TENM1: variants seen among roughly 807,000 people sequenced by gnomAD.
TENM1 encodes teneurin-1.
In TENM1, 35 loss-of-function variants were observed where a neutral mutation model predicts 174.8. That is an observed-to-expected ratio of 0.20 (90% CI 0.15 to 0.27). The LOEUF is 0.27. TENM1 is among the 10% of genes least tolerant of loss of function. The probability of loss-of-function intolerance (pLI) is 1.00; values close to 1 mark genes in which losing one functional copy is unlikely to be tolerated. For synonymous variants in TENM1, 781 were observed against 798.7 expected (o/e 0.98, Z 0.37); for missense variants, 1,633 against 2,130.1 (o/e 0.77, Z 4.59).
chrX:124,830,141 C>A (rs377588087), intron 3 of TENM1, among the ~76,000 whole-genome samples: 2 of 111,499 alleles, frequency 1.8e-5, no homozygotes, highest in African/African-American at 6.5e-5. Flanking sequence ...GTGTCATATG[C>A]AAATTTGTGG....
At chrX:125,039,885 A>G in the TENM1 span, among the ~76,000 whole-genome samples, 41 of 111,303 alleles carry the variant, frequency 3.7e-4, no homozygotes, top group Non-Finnish European at 7.0e-4. Flanking sequence ...CTGGTATAAA[A>G]TGTACTATCA....
At chrX:124,454,471 T>C (rs1288612107) in intron 22 of TENM1, among the ~76,000 whole-genome samples, 1 of 110,918 alleles carries the variant, frequency 9.0e-6, no homozygotes, top group African/African-American at 3.3e-5. Flanking sequence ...TGGTGCAATC[T>C]TGGCTCACTG....
At chrX:124,463,381 G>A (rs1175596514) in intron 22 of TENM1, among the ~76,000 whole-genome samples, 1 of 111,662 alleles carries the variant, frequency 9.0e-6, no homozygotes, top group African/African-American at 3.3e-5. Flanking sequence ...GGTGCTAAGT[G>A]GTATCTTAAT....
At chrX:124,490,856 T>A (rs2047051298) in intron 20 of TENM1, among the ~76,000 whole-genome samples, 1 of 112,148 alleles carries the variant, frequency 8.9e-6, no homozygotes. Context: ...TTTGAATTCT[T>A]GCAAAGCACT....
intron 4 of TENM1, among the ~76,000 whole-genome samples, chrX:124,716,211 T>C (rs1335523651): frequency 1.8e-5 from 2 of 112,132 alleles, no homozygotes; most frequent in Non-Finnish European, 3.8e-5. Flanking sequence ...AACACATGAA[T>C]GTCCTTTGAA....
chrX:124,731,420 A>G (rs1290805954), intron 4 of TENM1, among the ~76,000 whole-genome samples: 1 of 111,970 alleles, frequency 8.9e-6, no homozygotes, highest in Non-Finnish European at 1.9e-5. Context: ...TCTATAATAA[A>G]TGAATTAAAA....
chrX:125,034,949 G>C, the TENM1 span, among the ~76,000 whole-genome samples: 1 of 111,578 alleles, frequency 9.0e-6, no homozygotes, highest in Non-Finnish European at 1.9e-5. Flanking sequence ...CATGTAAAGT[G>C]ATTACTCAAT....
At chrX:124,840,126 ATATAC>A (rs2056468182) in intron 3 of TENM1, among the ~76,000 whole-genome samples, 1 of 111,932 alleles carries the variant, frequency 8.9e-6, no homozygotes, top group South Asian at 3.7e-4. Context: ...TACTTTTAAA[ATATAC>A]TTCTTTTCTT....
intron 23 of TENM1, among the ~76,000 whole-genome samples, chrX:124,442,143 G>A (rs2060910348): frequency 8.9e-6 from 1 of 112,282 alleles, no homozygotes; most frequent in African/African-American, 3.2e-5. Context: ...ACATGCCCTT[G>A]TGTCTGAATT....
chrX:124,871,364 G>A (rs995099569), intron 3 of TENM1, among the ~76,000 whole-genome samples: 1 of 111,846 alleles, frequency 8.9e-6, no homozygotes, highest in African/African-American at 3.3e-5. Flanking sequence ...GGAGCTGGAG[G>A]TACAGTGAAC....
the TENM1 span, among the ~76,000 whole-genome samples, chrX:125,158,733 C>G: frequency 9.0e-6 from 1 of 111,525 alleles, no homozygotes; most frequent in Non-Finnish European, 1.9e-5. Context: ...CAAGAGAGAG[C>G]AAGGACCCAT....
chrX:124,799,308 ATTCT>A (rs1222602884), intron 3 of TENM1, among the ~76,000 whole-genome samples: 1 of 111,007 alleles, frequency 9.0e-6, no homozygotes, highest in Non-Finnish European at 1.9e-5. Context: ...CATGATATTG[ATTCT>A]TTCTATCCAT....
intron 15 of TENM1, among the ~76,000 whole-genome samples, chrX:124,542,269 G>A (rs967918520): frequency 8.9e-6 from 1 of 112,558 alleles, no homozygotes; most frequent in Non-Finnish European, 1.9e-5. Context: ...AAAACAAGAA[G>A]AGAACAAATC....
At chrX:124,948,061 C>T (rs2058428456) in intron 1 of TENM1, among the ~76,000 whole-genome samples, 1 of 112,169 alleles carries the variant, frequency 8.9e-6, no homozygotes. Context: ...ACTGTTTGGA[C>T]TAATTTGTTC....
In TENM1 at chrX:124,818,544, T is replaced by C. The variant is rs766377604; in HGVS notation, c.535+75752A>G. On this transcript the variant is annotated intron_variant, in intron 3 of 31. Transcript: ENST00000422452. ...TAATACCATGGCTATATATATCTTC[T>C]CTCACTATTAGGAAAATCTATTATA... Among the ~76,000 whole-genome samples, 3 of 111,799 alleles carry C rather than the reference T, an allele frequency of 2.7e-5. No homozygotes were observed. The South Asian group carries it at 1.1e-3, about 42-fold the overall frequency.
At chrX:124,384,643 C>T in exon 30 of TENM1, 1 of 1,209,701 alleles carries the variant, frequency 8.3e-7, no homozygotes, top group African/African-American at 1.7e-5. Flanking sequence ...TAGTTATGAC[C>T]TGATTTAAAT....
At chrX:124,667,416 C>A (rs1459365686) in intron 6 of TENM1, among the ~76,000 whole-genome samples, 3 of 109,301 alleles carry the variant, frequency 2.7e-5, no homozygotes, top group Non-Finnish European at 5.7e-5. Flanking sequence ...ATGGTGAAAC[C>A]CCATCTCTAC....
chrX:124,687,654 T>C (rs1344561108), intron 5 of TENM1, among the ~76,000 whole-genome samples: 1 of 111,895 alleles, frequency 8.9e-6, no homozygotes. Context: ...ACTTACAGAA[T>C]GGGAGAAAAT....
chrX:124,873,483 T>G (rs1427713048), intron 3 of TENM1, among the ~76,000 whole-genome samples: 2 of 112,104 alleles, frequency 1.8e-5, no homozygotes, highest in Non-Finnish European at 3.8e-5. Flanking sequence ...TACATAGATA[T>G]GAAATGGAAT....
Sources: allele counts gnomAD v4.1 joint callset (sites outside exome capture counted in the v4.1 genomes callset), GRCh38; gene constraint gnomAD v4.1.1; transcripts MANE v1.5; gene names NCBI Gene and HGNC (gene_info 2026-07-23, HGNC 2026-07-21).